The following ANXA13 variants were observed in gnomAD, a reference collection of about 807,000 sequenced individuals.
ANXA13 encodes the protein annexin A13, also known as annexin XIII.
ANXA13 carries 36 observed loss-of-function variants against 46.6 expected under a neutral mutation model. That is an observed-to-expected ratio of 0.77 (90% CI 0.59 to 1.02). The LOEUF (loss-of-function observed/expected upper bound fraction) is 1.02. Ranked by LOEUF, ANXA13 falls within the 50% of genes least tolerant of loss-of-function variation. ANXA13 has a pLI of 0.00. For synonymous variants in ANXA13, 163 were observed against 152.9 expected (o/e 1.07, Z -0.49); for missense variants, 417 against 396.5 (o/e 1.05, Z -0.44).
At chr8:123,698,621 C>T in intron 3 of ANXA13, 62 bp from the exon 4 acceptor site, 1 of 1,552,866 alleles carries the variant, frequency 6.4e-7, no homozygotes, top group Non-Finnish European at 8.8e-7. Context: ...CAGGTGTCTG[C>T]TTGCACTATT....
chr8:123,717,485 G>C (rs867828910), intron 1 of ANXA13, among the ~76,000 whole-genome samples: 1 of 152,196 alleles, frequency 6.6e-6, no homozygotes, highest in Non-Finnish European at 1.5e-5. Flanking sequence ...ACCATATGTA[G>C]ATATATAGGT....
chr8:123,715,596 G>C lies in ANXA13; in HGVS notation c.16-2843C>G, dbSNP rs115633595. ...TGCAGGGCTCTGCAAATGGCTGTGT[G>C]GGTTATGCCCTGCCTGAGGCCCTGG... On this transcript the variant is annotated intron_variant, in intron 1 of 10. Transcript: ENST00000419625. Among the ~76,000 whole-genome samples, 236 of 152,374 alleles carry C rather than the reference G, an allele frequency of 1.5e-3. 1 individual carries two copies. The highest frequency in any genetic ancestry group is 5.5e-3 in the African/African-American group (228 of 41,594).
chr8:123,709,945 G>A (rs1037268614), intron 2 of ANXA13, among the ~76,000 whole-genome samples: 2 of 152,152 alleles, frequency 1.3e-5, no homozygotes, highest in East Asian at 1.9e-4. Context: ...TTTTAGTAGA[G>A]ACGGGGTTTC....
intron 2 of ANXA13, among the ~76,000 whole-genome samples, chr8:123,708,133 T>C (rs1813578376): frequency 6.6e-6 from 1 of 152,046 alleles, no homozygotes; most frequent in African/African-American, 2.4e-5. Flanking sequence ...CTGTAAATAC[T>C]TACAATGGTT....
intron 1 of ANXA13, among the ~76,000 whole-genome samples, chr8:123,715,575 G>A (rs1405968731): frequency 6.6e-6 from 1 of 152,252 alleles, no homozygotes; most frequent in African/African-American, 2.4e-5. Flanking sequence ...CAGAGATGCA[G>A]GGCTCTGCAA....
At chr8:123,695,642 T>G (rs756293889) in intron 5 of ANXA13, 46 bp downstream of exon 5, 1 of 1,612,166 alleles carries the variant, frequency 6.2e-7, no homozygotes, top group Non-Finnish European at 8.5e-7. Context: ...AGAGGTATTT[T>G]GAAAGAAACA....
At chr8:123,730,744 A>G (rs1222587891) in intron 1 of ANXA13, among the ~76,000 whole-genome samples, 1 of 152,228 alleles carries the variant, frequency 6.6e-6, no homozygotes, top group Non-Finnish European at 1.5e-5. Flanking sequence ...TAAAGGAAAG[A>G]AGTTTCATGG....
chr8:123,703,979 A>G (rs1381723984), intron 2 of ANXA13, among the ~76,000 whole-genome samples: 3 of 152,192 alleles, frequency 2.0e-5, no homozygotes, highest in Non-Finnish European at 2.9e-5. Flanking sequence ...ACTGCATGAC[A>G]TTGGGCAAGT....
chr8:123,698,393 T>C lies in ANXA13; in HGVS notation c.353A>G (p.Asn118Ser), dbSNP rs1443994959. The change falls in exon 4 of 11, where the codon AAT becomes AGT. Residue 118 changes from asparagine to serine, a missense_variant. By Grantham distance (46) the Asn-to-Ser change is conservative. Coordinates refer to ENST00000419625, the MANE Select transcript of ANXA13 (RefSeq NM_004306.4). Reference sequence around the variant, plus strand: ...GCGGGCTCAGCTGGGACTGACCTTATTGGTCCTCGTGCACAGGACCTCAAT... The same window carrying C: ...GCGGGCTCAGCTGGGACTGACCTTACTGGTCCTCGTGCACAGGACCTCAAT... ...VLIEVLCTRT[N>S]KEIIAIKEAY... 1.2e-6 allele frequency: 2 copies of C among 1,614,016 alleles called. No individual in the cohort carries two copies. Among genetic ancestry groups the C allele is most frequent in the East Asian group, 2.2e-5 (1 of 44,872 alleles).
At chr8:123,697,364 G>A (rs770371771) in intron 4 of ANXA13, among the ~76,000 whole-genome samples, 11 of 152,128 alleles carry the variant, frequency 7.2e-5, no homozygotes, top group Non-Finnish European at 1.2e-4. Context: ...TCACACTCCC[G>A]GGGGGCCTGT....
intron 2 of ANXA13, among the ~76,000 whole-genome samples, chr8:123,709,947 C>T (rs545494620): frequency 3.4e-4 from 52 of 152,108 alleles, no homozygotes; most frequent in Non-Finnish European, 5.1e-4. Context: ...TTAGTAGAGA[C>T]GGGGTTTCAC....
At position 123,725,994 on chromosome 8, in the gene ANXA13, T is replaced by C. The variant is rs560808651; in HGVS notation, c.15+11326A>G. 1.9e-4 allele frequency among the ~76,000 whole-genome samples: 29 copies of C among 152,324 alleles called. No individual in the cohort carries two copies. In the South Asian group the frequency reaches 4.8e-3, roughly 25 times the overall value. On this transcript the variant is annotated intron_variant, in intron 1 of 10. Coordinates refer to ENST00000419625, the MANE Select transcript of ANXA13 (RefSeq NM_004306.4). ...TCCAAGATGCAGTATTACAGTGACT[T>C]ACATGATGACTAAGTGTTTGGCTAT...
intron 2 of ANXA13, 62 bp from the exon 3 acceptor site, chr8:123,702,798 T>C: frequency 6.7e-7 from 1 of 1,486,342 alleles, no homozygotes; most frequent in African/African-American, 1.4e-5. Context: ...AAGTTTATTT[T>C]AGTCCAGGGT....
At chr8:123,688,361 C>T (rs906461594) in intron 9 of ANXA13, among the ~76,000 whole-genome samples, 2 of 152,194 alleles carry the variant, frequency 1.3e-5, no homozygotes, top group African/African-American at 4.8e-5. Context: ...GAGGCCTCCC[C>T]AGGCACGTGG....
chr8:123,706,431 C>T (rs1813541725), intron 2 of ANXA13, among the ~76,000 whole-genome samples: 1 of 152,188 alleles, frequency 6.6e-6, no homozygotes, highest in African/African-American at 2.4e-5. Context: ...GTGCAGGAGA[C>T]CCACTCACTG....
At chr8:123,711,138 G>T (rs1247822618) in intron 2 of ANXA13, among the ~76,000 whole-genome samples, 1 of 152,082 alleles carries the variant, frequency 6.6e-6, no homozygotes, top group Non-Finnish European at 1.5e-5. Flanking sequence ...CTACTCAAGG[G>T]CTATTTCAAG....
chr8:123,700,091 G>A (rs1233492874), intron 3 of ANXA13, among the ~76,000 whole-genome samples: 2 of 152,178 alleles, frequency 1.3e-5, no homozygotes, highest in Admixed American at 1.3e-4. Context: ...CAAAGCCCTG[G>A]GATCTGCAGT....
At chr8:123,705,570 C>T (rs954818437) in intron 2 of ANXA13, among the ~76,000 whole-genome samples, 4 of 152,214 alleles carry the variant, frequency 2.6e-5, no homozygotes, top group African/African-American at 9.7e-5. Context: ...TCCAAGACTG[C>T]AGTAGTGACA....
rs1477091179 is a variant in ANXA13 at position 123,690,332 on chromosome 8, T to TGAAAGCA, written c.643-1393_643-1387dup. Among the ~76,000 whole-genome samples, 2 of 152,222 alleles carry TGAAAGCA rather than the reference T, an allele frequency of 1.3e-5. No individual in the cohort carries two copies. Among genetic ancestry groups the TGAAAGCA allele is most frequent in the African/African-American group, 4.8e-5 (2 of 41,450 alleles). Reference sequence around the variant, plus strand: ...GTAGAATCTCAGCCTACAAAACAGATGAAAGCAGAAAGCAGAGCTGTGCTG... The same window carrying TGAAAGCA: ...GTAGAATCTCAGCCTACAAAACAGATGAAAGCAGAAAGCAGAAAGCAGAGCTGTGCTG... On this transcript the variant is annotated intron_variant, in intron 8 of 10. Transcript: ENST00000419625. The surrounding 1 kb of genome is among the most constrained non-coding windows in gnomAD (Gnocchi z 4.6).
Sources: gnomAD v4.1 joint callset for allele counts (sites outside exome capture counted in the v4.1 genomes callset) on GRCh38, gnomAD v4.1.1 for gene constraint, Gnocchi (gnomAD v3.1) non-coding constraint, MANE v1.5 for transcripts, NCBI Gene and HGNC (gene_info 2026-07-23, HGNC 2026-07-21) for gene names.